The following GPHN variants were observed in gnomAD, a reference collection of about 807,000 sequenced individuals.
GPHN encodes gephyrin.
GPHN carries 17 observed loss-of-function variants against 95.5 expected under a neutral mutation model. The observed-to-expected ratio is 0.18, with a 90% CI of 0.12 to 0.27. GPHN has a LOEUF of 0.27. Ranked by LOEUF, GPHN falls within the 10% of genes least tolerant of loss-of-function variation. The pLI, the probability that GPHN is intolerant of heterozygous loss-of-function variation, is 1.00. For missense variants in GPHN, 660 were observed against 978.1 expected (o/e 0.67, Z 4.34); for synonymous variants, 320 against 322.5 (o/e 0.99, Z 0.08).
the GPHN span, among the ~76,000 whole-genome samples, chr14:67,300,034 TCTTAAAGC>T: frequency 4.6e-5 from 7 of 152,164 alleles, no homozygotes; most frequent in African/African-American, 1.7e-4. Flanking sequence ...AAATCCTGGG[TCTTAAAGC>T]CTTAAAGCCT....
the GPHN span, chr14:67,722,700 C>T: frequency 9.9e-6 from 16 of 1,613,588 alleles, no homozygotes; most frequent in Non-Finnish European, 1.4e-5. Flanking sequence ...TATGGTAGCT[C>T]CATCCATCAG....
At chr14:66,667,264 A>G (rs891218955) in intron 1 of GPHN, among the ~76,000 whole-genome samples, 1 of 152,176 alleles carries the variant, frequency 6.6e-6, no homozygotes, top group African/African-American at 2.4e-5. Flanking sequence ...ATTGACATCT[A>G]GTTCTGTAAA....
chr14:66,639,774 G>T (rs1168871508), intron 1 of GPHN, among the ~76,000 whole-genome samples: 4 of 151,374 alleles, frequency 2.6e-5, no homozygotes, highest in Non-Finnish European at 4.4e-5. Flanking sequence ...AACTATAGAT[G>T]ATATTTTATA....
At chr14:67,121,730 T>G (rs909761948) in intron 16 of GPHN, among the ~76,000 whole-genome samples, 3 of 152,226 alleles carry the variant, frequency 2.0e-5, no homozygotes, top group African/African-American at 4.8e-5. Context: ...AGTTTGCTAG[T>G]ATCAGAGACA....
At chr14:66,653,118 A>G (rs1782196715) in intron 1 of GPHN, among the ~76,000 whole-genome samples, 1 of 152,008 alleles carries the variant, frequency 6.6e-6, no homozygotes, top group African/African-American at 2.4e-5. Flanking sequence ...GGTACTCGGC[A>G]ATGTTTTGCA....
chr14:67,417,569 C>CT, the GPHN span, among the ~76,000 whole-genome samples: 4 of 151,744 alleles, frequency 2.6e-5, no homozygotes, highest in African/African-American at 9.7e-5. Context: ...GTAGCTGAGA[C>CT]TATATGCATG....
chr14:66,937,468 C>T (rs531580410), intron 8 of GPHN, among the ~76,000 whole-genome samples: 8 of 152,110 alleles, frequency 5.3e-5, no homozygotes, highest in Admixed American at 1.3e-4. Context: ...GCAACCTCCA[C>T]TTCCCGGGTT....
intron 10 of GPHN, among the ~76,000 whole-genome samples, chr14:67,049,418 C>CGGG (rs2075197229): frequency 1.3e-5 from 2 of 150,876 alleles, no homozygotes; most frequent in African/African-American, 4.9e-5. Flanking sequence ...TTAGTAGAGA[C>CGGG]GGGGTTTCAC....
At chr14:67,334,779 T>C in the GPHN span, 1 of 152,244 alleles carries the variant, frequency 6.6e-6, no homozygotes, top group Non-Finnish European at 1.5e-5. Context: ...CACCGATTTT[T>C]AGCATTAAAA....
the GPHN span, chr14:67,587,167 T>G: frequency 6.2e-7 from 1 of 1,613,904 alleles, no homozygotes; most frequent in Non-Finnish European, 8.5e-7. Flanking sequence ...CTGCCAGCTG[T>G]GGGAACTGGA....
At chr14:67,733,923 TA>T in the GPHN span, 1 of 1,099,908 alleles carries the variant, frequency 9.1e-7, no homozygotes, top group Non-Finnish European at 1.4e-6. Context: ...AGGCCAACCC[TA>T]AAGGATTGTC....
the GPHN span, chr14:67,200,450 C>A: frequency 6.9e-6 from 3 of 437,622 alleles, no homozygotes; most frequent in Non-Finnish European, 4.1e-6. Context: ...CCACCCCATT[C>A]CCCTTTTTAA....
intron 1 of GPHN, among the ~76,000 whole-genome samples, chr14:66,656,993 A>G (rs1373860981): frequency 6.6e-6 from 1 of 152,232 alleles, no homozygotes; most frequent in African/African-American, 2.4e-5. Flanking sequence ...GTCACAAGCC[A>G]AAACAGGTCA....
chr14:67,522,506 T>C, the GPHN span, among the ~76,000 whole-genome samples: 1 of 152,212 alleles, frequency 6.6e-6, no homozygotes, highest in Non-Finnish European at 1.5e-5. Flanking sequence ...TAAGCCACTC[T>C]GCCTGGGGGG....
chr14:67,666,555 G>A, the GPHN span, among the ~76,000 whole-genome samples: 1 of 152,196 alleles, frequency 6.6e-6, no homozygotes, highest in Non-Finnish European at 1.5e-5. Flanking sequence ...AAGCCAGGGA[G>A]GCAGATAATT....
At chr14:66,608,946 C>T (rs2062663911) in intron 1 of GPHN, among the ~76,000 whole-genome samples, 1 of 152,078 alleles carries the variant, frequency 6.6e-6, no homozygotes, top group South Asian at 2.1e-4. Context: ...AGCTTGCCAT[C>T]CTATGCCTTT....
intron 6 of GPHN, among the ~76,000 whole-genome samples, chr14:66,922,140 C>T (rs1255067262): frequency 1.3e-5 from 2 of 152,054 alleles, no homozygotes; most frequent in Non-Finnish European, 2.9e-5. Context: ...CCCTTCTAGA[C>T]ATTGGCTTAG....
the GPHN span, chr14:67,662,600 C>T: frequency 7.0e-7 from 1 of 1,432,326 alleles, no homozygotes; most frequent in Non-Finnish European, 9.6e-7. Flanking sequence ...AGGCCATTCC[C>T]TCTGCTTCGA....
the GPHN span, chr14:67,241,656 C>G: frequency 6.5e-6 from 1 of 152,826 alleles, no homozygotes; most frequent in South Asian, 2.1e-4. Flanking sequence ...AAACTCCGGC[C>G]AGCGGGAGAC....
Sources: gnomAD v4.1 joint callset for allele counts (sites outside exome capture counted in the v4.1 genomes callset) on GRCh38, gnomAD v4.1.1 for gene constraint, MANE v1.5 for transcripts, NCBI Gene and HGNC (gene_info 2026-07-23, HGNC 2026-07-21) for gene names.